The following RAD51B variants were observed in gnomAD, a reference collection of about 807,000 sequenced individuals.
RAD51B encodes the protein DNA repair protein RAD51 homolog 2.
Under a neutral mutation model 42.2 loss-of-function variants are expected in RAD51B, and 38 were observed. The ratio of observed to expected loss-of-function variants is 0.90; its 90% CI spans 0.70 to 1.18. The LOEUF is 1.18. Among genes scored for constraint, RAD51B ranks in the 50% most tolerant of loss-of-function variants. The pLI is 0.00. For missense variants in RAD51B, 373 were observed against 400.7 expected (o/e 0.93, Z 0.59); for synonymous variants, 154 against 145.2 (o/e 1.06, Z -0.43).
At chr14:68,006,326 A>C (rs1248648206) in intron 7 of RAD51B, among the ~76,000 whole-genome samples, 1 of 152,194 alleles carries the variant, frequency 6.6e-6, no homozygotes, top group Non-Finnish European at 1.5e-5. Flanking sequence ...TTAGTTACTC[A>C]GTTTTTAAAT....
chr14:68,631,971 G>T (rs1337785419), intron 10 of RAD51B, among the ~76,000 whole-genome samples: 1 of 152,192 alleles, frequency 6.6e-6, no homozygotes, highest in Non-Finnish European at 1.5e-5. Flanking sequence ...CTCAGTGAGG[G>T]TTTACTGAGT....
Position 67,823,542 on chromosome 14 carries a change from G to A in RAD51B, c.-2G>A. On this transcript the variant is annotated splice_region_variant and 5_prime_UTR_variant, in exon 2 of 11. Transcript: ENST00000471583. ...CTTCTTTTCTTTGCTGGATCTGGAG[G>A]CATGGGTAGCAAGAAACTAAAACGA... The A allele has an allele frequency of 6.2e-7, 1 of 1,613,074 alleles. No individual in the cohort carries two copies. The highest frequency in any genetic ancestry group is 8.5e-7 in the Non-Finnish European group (1 of 1,179,436).
At chr14:68,210,775 G>A (rs1298340) in intron 7 of RAD51B, among the ~76,000 whole-genome samples, 1 of 152,042 alleles carries the variant, frequency 6.6e-6, no homozygotes, top group African/African-American at 2.4e-5. Context: ...ATGCGCTTGT[G>A]ATCAGTATCA....
intron 7 of RAD51B, among the ~76,000 whole-genome samples, chr14:68,058,121 A>G (rs1302531018): frequency 6.6e-6 from 1 of 151,894 alleles, no homozygotes; most frequent in Non-Finnish European, 1.5e-5. Context: ...AGTATATGAT[A>G]CTCAATTTTA....
chr14:67,969,157 A>G (rs2074846319), intron 7 of RAD51B, among the ~76,000 whole-genome samples: 1 of 152,194 alleles, frequency 6.6e-6, no homozygotes, highest in African/African-American at 2.4e-5. Flanking sequence ...CTCTCCCACA[A>G]CGTGTAGGAA....
At position 67,879,140 on chromosome 14, in the gene RAD51B, G is replaced by T. The variant is rs576003731; in HGVS notation, c.453-6729G>T. On this transcript the variant is annotated intron_variant, in intron 5 of 10. Transcript: ENST00000471583. ...TGTGGAGTTGTCTGAAATCCATAGG[G>T]CAGGCTGTTGGAAAGGGCAGGCTAG... 3.3e-5 allele frequency among the ~76,000 whole-genome samples: 5 copies of T among 152,332 alleles called. 1 individual carries two copies. The South Asian group carries it at 1.0e-3, about 32-fold the overall frequency.
intron 7 of RAD51B, chr14:68,124,885 G>A (rs2077724527): frequency 6.6e-6 from 1 of 151,582 alleles, no homozygotes; most frequent in Admixed American, 6.6e-5. Flanking sequence ...GGAGGTGGAG[G>A]TTATAGTGAG....
chr14:68,053,787 T>C (rs2076431485), intron 7 of RAD51B, among the ~76,000 whole-genome samples: 2 of 152,224 alleles, frequency 1.3e-5, no homozygotes, highest in Admixed American at 1.3e-4. Flanking sequence ...GGTCCTTAGA[T>C]TCCTCACGTT....
chr14:68,458,832 A>G (rs2085770045), intron 9 of RAD51B, among the ~76,000 whole-genome samples: 1 of 152,014 alleles, frequency 6.6e-6, no homozygotes, highest in South Asian at 2.1e-4. Context: ...AATACAGTTC[A>G]TTTTTCCATC....
At chr14:68,436,178 C>T (rs985001982) in intron 9 of RAD51B, among the ~76,000 whole-genome samples, 2 of 152,116 alleles carry the variant, frequency 1.3e-5, no homozygotes, top group African/African-American at 2.4e-5. Context: ...ATTTAATCCA[C>T]CTTGAGTTAA....
chr14:68,165,733 T>A (rs1321387392), intron 7 of RAD51B, among the ~76,000 whole-genome samples: 1 of 152,208 alleles, frequency 6.6e-6, no homozygotes, highest in Admixed American at 6.5e-5. Flanking sequence ...CTTGTCTCCC[T>A]CATTAAACTT....
At chr14:68,542,927 CA>C (rs1888043413) in intron 10 of RAD51B, among the ~76,000 whole-genome samples, 1 of 152,210 alleles carries the variant, frequency 6.6e-6, no homozygotes. Flanking sequence ...GCTTTTTAAA[CA>C]TGAAATATTC....
At chr14:68,498,845 C>T (rs145704724) in intron 10 of RAD51B, among the ~76,000 whole-genome samples, 57 of 152,246 alleles carry the variant, frequency 3.7e-4, no homozygotes, top group African/African-American at 1.3e-3. Flanking sequence ...CTTCCCTTGC[C>T]GTCTGGTAGC....
chr14:68,469,931 A>G (rs2086079601), intron 10 of RAD51B, among the ~76,000 whole-genome samples: 2 of 152,324 alleles, frequency 1.3e-5, no homozygotes, highest in Non-Finnish European at 2.9e-5. Context: ...TTGGGATAAC[A>G]TTTGTGAGAA....
intron 8 of RAD51B, among the ~76,000 whole-genome samples, chr14:68,333,275 CTG>C (rs56234988): frequency 0.083 from 12,565 of 152,124 alleles, 866 homozygotes; most frequent in East Asian, 0.4. Flanking sequence ...GGGATATAAA[CTG>C]GTGATTTTTA....
intron 4 of RAD51B, among the ~76,000 whole-genome samples, chr14:67,837,756 A>G (rs954231885): frequency 6.6e-6 from 1 of 152,202 alleles, no homozygotes; most frequent in Non-Finnish European, 1.5e-5. Flanking sequence ...GGTAATTGGC[A>G]TATCCATCAC....
At chr14:68,237,707 T>C (rs1281159868) in intron 7 of RAD51B, among the ~76,000 whole-genome samples, 1 of 151,974 alleles carries the variant, frequency 6.6e-6, no homozygotes, top group African/African-American at 2.4e-5. Flanking sequence ...TGCAGTGTTT[T>C]ACATGGACAT....
In RAD51B at chr14:68,205,103, C is replaced by G. The variant is rs553379622; in HGVS notation, c.757-86781C>G. ...TTTTGATTTTTGAGAGGCGAGTGTG[C>G]TTGTTGGTGTTTTCAACTCTTTCCT... On this transcript the variant is annotated intron_variant, in intron 7 of 10. Transcript: ENST00000471583. Among the ~76,000 whole-genome samples the G allele has an allele frequency of 2.6e-5, 4 of 152,210 alleles. No individual in the cohort carries two copies. In the East Asian group the frequency reaches 7.7e-4, roughly 29 times the overall value.
At chr14:68,311,184 A>G (rs904711780) in intron 8 of RAD51B, among the ~76,000 whole-genome samples, 2 of 152,272 alleles carry the variant, frequency 1.3e-5, no homozygotes, top group Admixed American at 6.5e-5. Flanking sequence ...GACTTACTAA[A>G]TAGGCCATTT....
Sources: allele counts gnomAD v4.1 joint callset (sites outside exome capture counted in the v4.1 genomes callset), GRCh38; gene constraint gnomAD v4.1.1; transcripts MANE v1.5; gene names NCBI Gene and HGNC (gene_info 2026-07-23, HGNC 2026-07-21).